The following EIF3E variants were observed in gnomAD, a reference collection of about 807,000 sequenced individuals.
EIF3E encodes the protein eukaryotic translation initiation factor 3 subunit E.
Under a neutral mutation model 59.3 loss-of-function variants are expected in EIF3E, and 25 were observed. That is an observed-to-expected ratio of 0.42 (90% CI 0.31 to 0.59). EIF3E has a LOEUF of 0.59. Among genes scored for constraint, EIF3E ranks in the 20% least tolerant of loss-of-function variants. The pLI is 0.15. For synonymous variants in EIF3E, 176 were observed against 170.2 expected (o/e 1.03, Z -0.26); for missense variants, 317 against 534.3 (o/e 0.59, Z 4.01).
intron 5 of EIF3E, among the ~76,000 whole-genome samples, chr8:108,229,988 A>G (rs1328368225): frequency 2.0e-5 from 3 of 152,126 alleles, no homozygotes; most frequent in South Asian, 4.1e-4. Flanking sequence ...GACCAGGCTA[A>G]TAACAATGAG....
intron 10 of EIF3E, among the ~76,000 whole-genome samples, 175 bp downstream of exon 10, chr8:108,214,432 T>C (rs1270299559): frequency 1.3e-5 from 2 of 152,230 alleles, no homozygotes; most frequent in Non-Finnish European, 2.9e-5. Flanking sequence ...TATCTGAGCC[T>C]GTAGCAAAAG....
At chr8:108,212,755 T>G in intron 10 of EIF3E, among the ~76,000 whole-genome samples, 1 of 152,058 alleles carries the variant, frequency 6.6e-6, no homozygotes, top group East Asian at 1.9e-4. Context: ...TGAGCAGAGA[T>G]CGCACCACTA....
chr8:108,236,350 C>T (rs2129913066), intron 3 of EIF3E, 147 bp from the exon 4 acceptor site: 1 of 591,876 alleles, frequency 1.7e-6, no homozygotes, highest in South Asian at 2.5e-5. Context: ...ATAAGCAGGA[C>T]ATTACATGTT....
intron 2 of EIF3E, among the ~76,000 whole-genome samples, chr8:108,241,044 G>T (rs1033695517): frequency 2.0e-5 from 3 of 151,982 alleles, no homozygotes; most frequent in African/African-American, 7.3e-5. Flanking sequence ...AACTAAAAAA[G>T]AGATACTGTT....
chr8:108,220,775 C>G (rs779710878), intron 7 of EIF3E, among the ~76,000 whole-genome samples: 5 of 152,238 alleles, frequency 3.3e-5, no homozygotes, highest in Admixed American at 6.5e-5. Context: ...AAGTTTACTT[C>G]ACTGGACAGA....
intron 5 of EIF3E, chr8:108,233,269 G>A (rs1210783262): frequency 6.6e-6 from 1 of 152,088 alleles, no homozygotes; most frequent in Non-Finnish European, 1.5e-5. Context: ...TTTAAAGGAC[G>A]GTGGAGTTTC....
chr8:108,206,315 A>G (rs995330162), intron 10 of EIF3E, among the ~76,000 whole-genome samples: 1 of 151,702 alleles, frequency 6.6e-6, no homozygotes, highest in African/African-American at 2.4e-5. Flanking sequence ...ACAAAGTGAG[A>G]CCCCCATGTC....
intron 1 of EIF3E, among the ~76,000 whole-genome samples, chr8:108,248,025 T>TGGGG (rs371217842): frequency 3.8e-5 from 1 of 26,318 alleles, no homozygotes; most frequent in South Asian, 1.3e-3. Context: ...GGATTTTTTC[T>TGGGG]GGGGGGGGGG....
Position 108,217,370 on chromosome 8 carries a change from C to A in EIF3E, c.813G>T (p.Arg271=), listed in dbSNP as rs936856066. 1.3e-6 allele frequency: 2 copies of A among 1,581,816 alleles called. 1 individual carries two copies. Among genetic ancestry groups the A allele is most frequent in the South Asian group, 2.3e-5 (2 of 86,864 alleles). The part of the protein sequence containing the change: ...VITNKDVRKR[R]QVLKDLVKVI... ...CTTTAACTAGATCTTTTAGAACCTG[C>A]CGACGTTTTCGAACATCCTTGTTTG... The change falls in exon 8 of 13, where the codon CGG becomes CGT. Residue 271 remains arginine (R), a synonymous_variant. Transcript: ENST00000220849.
At chr8:108,212,134 T>TA (rs1241199813) in intron 10 of EIF3E, among the ~76,000 whole-genome samples, 1 of 152,224 alleles carries the variant, frequency 6.6e-6, no homozygotes, top group Non-Finnish European at 1.5e-5. Flanking sequence ...CAGTGTTTTG[T>TA]AAAACTGTGT....
rs144266467 is a variant in EIF3E, at chr8:108,235,418, A to G, written c.367-316T>C. 3.9e-5 allele frequency among the ~76,000 whole-genome samples: 6 copies of G among 152,302 alleles called. No homozygotes were observed. In the East Asian group the frequency reaches 9.6e-4, roughly 24 times the overall value. Reference sequence around the variant, plus strand: ...GCTGGATTCGCATAAGGAGCGTGCAACCTAGATCCCTTGCATGAGCAGTTC... The same window carrying G: ...GCTGGATTCGCATAAGGAGCGTGCAGCCTAGATCCCTTGCATGAGCAGTTC... On this transcript the variant is annotated intron_variant, in intron 4 of 12. Coordinates refer to ENST00000220849, the MANE Select transcript of EIF3E (RefSeq NM_001568.3).
intron 7 of EIF3E, among the ~76,000 whole-genome samples, chr8:108,220,219 A>C (rs563483117): frequency 6.6e-6 from 1 of 152,326 alleles, no homozygotes; most frequent in African/African-American, 2.4e-5. Context: ...CCAACTGACA[A>C]GCATATTATT....
intron 10 of EIF3E, among the ~76,000 whole-genome samples, chr8:108,206,382 T>C (rs977754275): frequency 1.3e-5 from 2 of 151,884 alleles, no homozygotes; most frequent in African/African-American, 4.8e-5. Flanking sequence ...GTATGTGAAA[T>C]GCAAAAAGGT....
At chr8:108,216,067 T>C (rs1160832347) in intron 9 of EIF3E, among the ~76,000 whole-genome samples, 1 of 152,184 alleles carries the variant, frequency 6.6e-6, no homozygotes. Flanking sequence ...ATATGAAATA[T>C]TAAAAATATT....
intron 3 of EIF3E, among the ~76,000 whole-genome samples, chr8:108,238,079 C>G (rs962718410): frequency 1.3e-5 from 2 of 152,184 alleles, no homozygotes; most frequent in Non-Finnish European, 2.9e-5. Flanking sequence ...ACTTCCCAGT[C>G]TTTGAGTGAC....
rs1353814638 is a variant in EIF3E, at chr8:108,238,878, T to G, written c.323+1080A>C. Among the ~76,000 whole-genome samples, 4 of 152,200 alleles carry G rather than the reference T, an allele frequency of 2.6e-5. No individual in the cohort carries two copies. In the East Asian group the frequency reaches 7.7e-4, roughly 29 times the overall value. On this transcript the variant is annotated intron_variant, in intron 3 of 12. Coordinates refer to ENST00000220849, the MANE Select transcript of EIF3E (RefSeq NM_001568.3). ...TAGGATTTATCTCAAATGACAATAT[T>G]CAATTTTAGTAAGAGATTTTATTTT...
intron 5 of EIF3E, among the ~76,000 whole-genome samples, chr8:108,231,267 T>C (rs1433801646): frequency 3.3e-5 from 5 of 152,274 alleles, no homozygotes; most frequent in Non-Finnish European, 7.4e-5. Flanking sequence ...ACATACATTA[T>C]TATTTTATGT....
intron 7 of EIF3E, among the ~76,000 whole-genome samples, chr8:108,219,752 G>A (rs1434108215): frequency 1.3e-5 from 2 of 152,066 alleles, no homozygotes; most frequent in East Asian, 1.9e-4. Context: ...AGGATCACCT[G>A]AGCTTAGGAG....
chr8:108,211,357 G>A (rs1292996248), intron 10 of EIF3E, among the ~76,000 whole-genome samples: 2 of 152,090 alleles, frequency 1.3e-5, no homozygotes, highest in Non-Finnish European at 2.9e-5. Context: ...GTGATGATGA[G>A]CATTTTTTCA....
Sources: gnomAD v4.1 joint callset for allele counts (sites outside exome capture counted in the v4.1 genomes callset) on GRCh38, gnomAD v4.1.1 for gene constraint, MANE v1.5 for transcripts, NCBI Gene and HGNC (gene_info 2026-07-23, HGNC 2026-07-21) for gene names.